GRM8: variants seen among roughly 807,000 people sequenced by gnomAD.
GRM8 encodes the protein metabotropic glutamate receptor 8.
A neutral mutation model predicts 87.2 loss-of-function variants in GRM8; 47 were observed. The ratio of observed to expected loss-of-function variants is 0.54; its 90% CI spans 0.43 to 0.69. The LOEUF is 0.69. Among genes scored for constraint, GRM8 ranks in the 30% least tolerant of loss-of-function variants. The probability of loss-of-function intolerance (pLI) is 0.00; values close to 1 mark genes in which losing one functional copy is unlikely to be tolerated. For missense variants in GRM8, 1,019 were observed against 1,139.2 expected (o/e 0.89, Z 1.52); for synonymous variants, 396 against 404.5 (o/e 0.98, Z 0.25).
intron 2 of GRM8, among the ~76,000 whole-genome samples, chr7:127,121,857 C>T (rs965815726): frequency 1.3e-5 from 2 of 152,128 alleles, no homozygotes; most frequent in African/African-American, 4.8e-5. Context: ...ACCTTCAACA[C>T]CTGGGGACTA....
At position 126,903,653 on chromosome 7, in the gene GRM8, G is replaced by C. The variant is rs1335978276; in HGVS notation, c.1018+319C>G. Among the ~76,000 whole-genome samples the C allele has an allele frequency of 5.2e-5, 6 of 115,020 alleles. No individual in the cohort carries two copies. In the Admixed American group the frequency reaches 5.3e-4, roughly 10 times the overall value. 75.5% of individuals were successfully genotyped at this position (115,020 alleles called of 152,430 possible). A position where few individuals can be genotyped will look rare whatever the true frequency, so the allele number is the denominator to read the frequency against. ...TATATGTGTATATATATAGGTATATGTGTATATATATATGTATATGTGTAT... is the reference window on the plus strand; with the variant it reads ...TATATGTGTATATATATAGGTATATCTGTATATATATATGTATATGTGTAT... On this transcript the variant is annotated intron_variant, in intron 5 of 10. Coordinates refer to ENST00000339582, the MANE Select transcript of GRM8 (RefSeq NM_000845.3).
chr7:127,149,383 A>T (rs1249338582), intron 2 of GRM8, among the ~76,000 whole-genome samples: 1 of 152,098 alleles, frequency 6.6e-6, no homozygotes, highest in Non-Finnish European at 1.5e-5. Context: ...CACACCCATT[A>T]GAATGGTTAT....
chr7:126,993,355 A>C (rs1291410324), intron 3 of GRM8, among the ~76,000 whole-genome samples: 1 of 152,210 alleles, frequency 6.6e-6, no homozygotes, highest in Admixed American at 6.5e-5. Flanking sequence ...AGCCATGAAA[A>C]GGAATGGAGT....
chr7:126,911,470 C>T (rs1288694525), intron 3 of GRM8, among the ~76,000 whole-genome samples: 7 of 152,030 alleles, frequency 4.6e-5, no homozygotes, highest in Non-Finnish European at 7.4e-5. Context: ...AAAATATTAA[C>T]GGGTGCCAAT....
intron 3 of GRM8, among the ~76,000 whole-genome samples, chr7:127,042,391 TTTGA>T (rs2132411591): frequency 6.6e-6 from 1 of 152,298 alleles, no homozygotes; most frequent in South Asian, 2.1e-4. Flanking sequence ...GGGTCATGGT[TTTGA>T]TTAAGATGAA....
chr7:127,251,818 T>C (rs557275802), intron 1 of GRM8, among the ~76,000 whole-genome samples: 1 of 152,152 alleles, frequency 6.6e-6, no homozygotes, highest in East Asian at 1.9e-4. Context: ...CGAGACCTTT[T>C]CTCCATCCCC....
chr7:127,102,108 C>A (rs1352731690), intron 3 of GRM8, among the ~76,000 whole-genome samples: 1 of 152,158 alleles, frequency 6.6e-6, no homozygotes, highest in Admixed American at 6.5e-5. Context: ...CTAGGGTATA[C>A]AGCAGAAGAA....
chr7:127,165,871 G>A (rs1413197714), intron 2 of GRM8, among the ~76,000 whole-genome samples: 4 of 152,156 alleles, frequency 2.6e-5, no homozygotes, highest in Non-Finnish European at 5.9e-5. Context: ...CTAACTTTGG[G>A]GAGGTGTGTT....
At chr7:126,790,410 T>C (rs932211300) in intron 6 of GRM8, among the ~76,000 whole-genome samples, 1 of 152,206 alleles carries the variant, frequency 6.6e-6, no homozygotes, top group Non-Finnish European at 1.5e-5. Flanking sequence ...TTGATAAATA[T>C]AGAGATAACT....
chr7:126,807,570 T>G (rs1437982599), intron 6 of GRM8, among the ~76,000 whole-genome samples: 1 of 152,110 alleles, frequency 6.6e-6, no homozygotes, highest in Non-Finnish European at 1.5e-5. Flanking sequence ...AGGTTTCCCT[T>G]TTGCCTCTTC....
At chr7:127,142,380 G>A (rs1828319114) in intron 2 of GRM8, among the ~76,000 whole-genome samples, 1 of 152,136 alleles carries the variant, frequency 6.6e-6, no homozygotes, top group South Asian at 2.1e-4. Flanking sequence ...ATGAGGCACT[G>A]TGACAGCAAG....
At chr7:126,788,033 T>G (rs1563187937) in intron 6 of GRM8, among the ~76,000 whole-genome samples, 2 of 152,138 alleles carry the variant, frequency 1.3e-5, no homozygotes, top group South Asian at 2.1e-4. Context: ...CATTAAAAAA[T>G]GCAACTCCTT....
intron 3 of GRM8, among the ~76,000 whole-genome samples, chr7:127,092,838 C>T (rs1425190422): frequency 6.6e-6 from 1 of 152,282 alleles, no homozygotes; most frequent in African/African-American, 2.4e-5. Context: ...TCCTCACCAA[C>T]ACCACCATCT....
intron 3 of GRM8, among the ~76,000 whole-genome samples, chr7:126,927,115 AT>A (rs1805217613): frequency 1.3e-5 from 2 of 152,100 alleles, no homozygotes; most frequent in Admixed American, 1.3e-4. Flanking sequence ...AGTCCATCTC[AT>A]TTTTTATTTT....
At chr7:127,115,245 G>A (rs1052129183) in intron 2 of GRM8, among the ~76,000 whole-genome samples, 1 of 152,172 alleles carries the variant, frequency 6.6e-6, no homozygotes, top group Admixed American at 6.5e-5. Flanking sequence ...AAAGAAAGTG[G>A]TTGTGGCAGG....
intron 8 of GRM8, among the ~76,000 whole-genome samples, chr7:126,543,812 C>G (rs1279749910): frequency 6.6e-6 from 1 of 152,156 alleles, no homozygotes; most frequent in Non-Finnish European, 1.5e-5. Flanking sequence ...AAGAAGCACA[C>G]TCAGGAAGAC....
At chr7:127,114,375 C>T (rs1306375499) in intron 2 of GRM8, among the ~76,000 whole-genome samples, 3 of 152,144 alleles carry the variant, frequency 2.0e-5, no homozygotes, top group Non-Finnish European at 2.9e-5. Context: ...TTTTATCTAT[C>T]TCCCCAACAT....
chr7:127,144,370 C>A (rs1361514482), intron 2 of GRM8, among the ~76,000 whole-genome samples: 1 of 152,110 alleles, frequency 6.6e-6, no homozygotes, highest in Non-Finnish European at 1.5e-5. Flanking sequence ...GTAGGGCACA[C>A]TGGATGCTAT....
At chr7:127,013,521 G>C (rs973222508) in intron 3 of GRM8, among the ~76,000 whole-genome samples, 4 of 138,076 alleles carry the variant, frequency 2.9e-5, no homozygotes, top group African/African-American at 7.8e-5. Context: ...CTCTGGTGGG[G>C]ATGGGGGATG....
Sources: gnomAD v4.1 joint callset for allele counts (sites outside exome capture counted in the v4.1 genomes callset) on GRCh38, gnomAD v4.1.1 for gene constraint, MANE v1.5 for transcripts, NCBI Gene and HGNC (gene_info 2026-07-23, HGNC 2026-07-21) for gene names.